The following ANO2 variants were observed in gnomAD, a reference collection of about 807,000 sequenced individuals.
The protein encoded by ANO2 is anoctamin 2.
ANO2 carries 101 observed loss-of-function variants against 124.2 expected under a neutral mutation model. The observed-to-expected ratio is 0.81, with a 90% CI of 0.69 to 0.96. ANO2 has a LOEUF of 0.96. Among genes scored for constraint, ANO2 ranks in the 40% least tolerant of loss-of-function variants. The pLI, the probability that ANO2 is intolerant of heterozygous loss-of-function variation, is 0.00. For missense variants in ANO2, 1,293 were observed against 1,274.5 expected (o/e 1.01, Z -0.22); for synonymous variants, 486 against 482.5 (o/e 1.01, Z -0.09).
In ANO2 at chr12:5,921,317, C is replaced by T. The variant is rs773545981; in HGVS notation, c.257G>A (p.Arg86His). 25 of 1,613,846 alleles carry T rather than the reference C, an allele frequency of 1.5e-5. No homozygotes were observed. The highest frequency in any genetic ancestry group is 1.1e-4 in the South Asian group (10 of 91,082). ...DANEPVSLEARLSRMHFHDSQ... is the reference protein window; with the variant it reads ...DANEPVSLEAHLSRMHFHDSQ... ...GTCATGGAAGTGCATGCGGCTAAGA[C>T]GGGCCTCCAAGGACACAGGCTCATT... Residue 86 changes from arginine to histidine, a missense_variant, in exon 3 of 25, where the codon CGT becomes CAT. Coordinates refer to ENST00000682330, the MANE Select transcript of ANO2 (RefSeq NM_001364791.2).
chr12:5,702,735 G>A (rs1478559679), intron 14 of ANO2, among the ~76,000 whole-genome samples: 5 of 152,164 alleles, frequency 3.3e-5, no homozygotes. Flanking sequence ...GCTGGATAGA[G>A]AGACATTTCT....
intron 16 of ANO2, among the ~76,000 whole-genome samples, chr12:5,618,594 TAAC>T (rs1431177391): frequency 6.6e-6 from 1 of 152,184 alleles, no homozygotes; most frequent in Admixed American, 6.5e-5. Flanking sequence ...AACTAGTTTT[TAAC>T]AACACCACTT....
chr12:5,600,883 T>A (rs964441621), intron 19 of ANO2, among the ~76,000 whole-genome samples: 5 of 151,308 alleles, frequency 3.3e-5, no homozygotes, highest in Non-Finnish European at 7.4e-5. Flanking sequence ...GTGTAGATAT[T>A]TCCAGAGGAG....
chr12:5,762,261 T>C (rs1377601363), intron 10 of ANO2, among the ~76,000 whole-genome samples: 1 of 152,018 alleles, frequency 6.6e-6, no homozygotes, highest in African/African-American at 2.4e-5. Flanking sequence ...TACCTACTTT[T>C]GGCTTCTTAT....
At chr12:5,696,059 G>A (rs971141566) in intron 14 of ANO2, among the ~76,000 whole-genome samples, 3 of 151,712 alleles carry the variant, frequency 2.0e-5, no homozygotes, top group Non-Finnish European at 4.4e-5. Context: ...TTTTTTTTTA[G>A]TGTCTGCAAA....
At chr12:5,701,882 G>A (rs1383661481) in intron 14 of ANO2, among the ~76,000 whole-genome samples, 1 of 152,156 alleles carries the variant, frequency 6.6e-6, no homozygotes, top group East Asian at 1.9e-4. Flanking sequence ...AGCATCTCAA[G>A]TCTCTGTTCA....
chr12:5,694,457 G>A (rs766001439), intron 14 of ANO2, among the ~76,000 whole-genome samples: 6 of 152,038 alleles, frequency 3.9e-5, no homozygotes, highest in Non-Finnish European at 5.9e-5. Context: ...TAAGACCCAC[G>A]CTAGGATCAC....
chr12:5,833,837 G>A (rs1439306854), intron 4 of ANO2, among the ~76,000 whole-genome samples: 1 of 152,114 alleles, frequency 6.6e-6, no homozygotes, highest in Admixed American at 6.5e-5. Context: ...CTTGGTCCAT[G>A]GAAATATTGT....
At chr12:5,930,875 A>C (rs1026498437) in intron 1 of ANO2, among the ~76,000 whole-genome samples, 2 of 151,954 alleles carry the variant, frequency 1.3e-5, no homozygotes, top group Non-Finnish European at 2.9e-5. Flanking sequence ...CACACATAAA[A>C]TCCATTTGCA....
intron 17 of ANO2, among the ~76,000 whole-genome samples, chr12:5,613,615 T>C (rs1388503907): frequency 6.6e-6 from 1 of 152,180 alleles, no homozygotes; most frequent in Non-Finnish European, 1.5e-5. Flanking sequence ...ATCCCTGTGT[T>C]CACCTGTTGA....
chr12:5,650,071 T>G (rs1193182705), intron 14 of ANO2, among the ~76,000 whole-genome samples: 1 of 152,118 alleles, frequency 6.6e-6, no homozygotes, highest in East Asian at 1.9e-4. Flanking sequence ...AGGGAGGGAC[T>G]TTTCCTGAGT....
rs371138980 is a variant in ANO2, at chr12:5,879,419, G to A, written c.535-25278C>T. On this transcript the variant is annotated intron_variant, in intron 3 of 24. Coordinates refer to ENST00000682330, the MANE Select transcript of ANO2 (RefSeq NM_001364791.2). ...AAGAGGAAAAATAATCTTAGGGAAC[G>A]GTATAGTCATAAGCACGTGCTAAGT... 7.9e-5 allele frequency among the ~76,000 whole-genome samples: 12 copies of A among 152,216 alleles called. No individual in the cohort carries two copies. The East Asian group carries it at 2.3e-3, about 29-fold the overall frequency.
At chr12:5,599,881 C>A (rs1943848124) in intron 19 of ANO2, among the ~76,000 whole-genome samples, 1 of 152,182 alleles carries the variant, frequency 6.6e-6, no homozygotes, top group Non-Finnish European at 1.5e-5. Context: ...CTTTTGAATT[C>A]TTCCTGCTGT....
intron 1 of ANO2, among the ~76,000 whole-genome samples, chr12:5,931,116 G>C (rs576840004): frequency 2.3e-4 from 35 of 152,198 alleles, no homozygotes; most frequent in African/African-American, 8.2e-4. Flanking sequence ...CACCAAGTTA[G>C]TCCCACTCTG....
rs571376438 is a variant in ANO2, at chr12:5,628,992, C to T, written c.1816+6160G>A. 3.9e-3 allele frequency among the ~76,000 whole-genome samples: 596 copies of T among 152,254 alleles called. 5 individuals carry two copies. The highest frequency in any genetic ancestry group is 3.5e-3 in the Non-Finnish European group (241 of 68,014). ...CTCCTTTCACTCTCATCCCTGGCCC[C>T]GCTTCAGGAGCATCTGGGGCAGTGA... is the stretch of plus-strand genomic sequence containing the variant. On this transcript the variant is annotated intron_variant, in intron 16 of 24. Transcript: ENST00000682330.
rs763232836 is a variant in ANO2, at chr12:5,599,519, G to C, written c.2198C>G (p.Pro733Arg). 1 of 1,613,140 alleles carries C rather than the reference G, an allele frequency of 6.2e-7. No individual in the cohort carries two copies. The highest frequency in any genetic ancestry group is 8.5e-7 in the Non-Finnish European group (1 of 1,179,674). ...EQWDLDYSLEPYTGLTPEYME... is the reference protein window; with the variant it reads ...EQWDLDYSLERYTGLTPEYME... ...GTACTCCGGAGTCAGTCCTGTGTAT[G>C]GTTCCAAGCTGTAGTCTAGGTCCCA... is the stretch of plus-strand genomic sequence containing the variant. Residue 733 changes from proline to arginine, a missense_variant, in exon 20 of 25, where the codon CCA becomes CGA. Pro to Arg is a moderately radical substitution (Grantham distance 103). Coordinates refer to ENST00000682330, the MANE Select transcript of ANO2 (RefSeq NM_001364791.2).
At chr12:5,758,823 G>C (rs1951655645) in intron 10 of ANO2, among the ~76,000 whole-genome samples, 1 of 152,112 alleles carries the variant, frequency 6.6e-6, no homozygotes, top group Non-Finnish European at 1.5e-5. Flanking sequence ...ACAATGTATG[G>C]CATTCAATAA....
intron 14 of ANO2, among the ~76,000 whole-genome samples, chr12:5,671,539 G>T (rs997440281): frequency 2.6e-5 from 4 of 152,016 alleles, no homozygotes; most frequent in African/African-American, 9.7e-5. Context: ...GTGTGTGTGT[G>T]CATCTCAGGG....
intron 20 of ANO2, among the ~76,000 whole-genome samples, chr12:5,582,166 A>G (rs745848374): frequency 5.0e-4 from 76 of 152,348 alleles, no homozygotes; most frequent in Non-Finnish European, 8.5e-4. Flanking sequence ...TGCGCTGCAT[A>G]ATAGAAGCCA....
Sources: allele counts gnomAD v4.1 joint callset (sites outside exome capture counted in the v4.1 genomes callset), GRCh38; gene constraint gnomAD v4.1.1; transcripts MANE v1.5; gene names NCBI Gene and HGNC (gene_info 2026-07-23, HGNC 2026-07-21).